NUBPL: variants seen among roughly 807,000 people sequenced by gnomAD.
NUBPL encodes the protein NUBP iron-sulfur cluster assembly factor, mitochondrial, also known as iron-sulfur cluster transfer protein NUBPL.
Under a neutral mutation model 45.7 loss-of-function variants are expected in NUBPL, and 31 were observed. The observed-to-expected ratio is 0.68, with a 90% CI of 0.51 to 0.92. NUBPL has a LOEUF of 0.92. NUBPL is among the 40% of genes least tolerant of loss of function. NUBPL has a pLI of 0.00. For synonymous variants in NUBPL, 144 were observed against 140.9 expected (o/e 1.02, Z -0.15); for missense variants, 401 against 398.7 (o/e 1.01, Z -0.05).
chr14:31,853,784 G>A (rs1176880741), intron 10 of NUBPL, among the ~76,000 whole-genome samples: 1 of 152,118 alleles, frequency 6.6e-6, no homozygotes, highest in African/African-American at 2.4e-5. Flanking sequence ...AATGTGACTA[G>A]TGTAAAGCAG....
At chr14:31,766,153 A>T (rs949767993) in intron 6 of NUBPL, among the ~76,000 whole-genome samples, 2 of 152,238 alleles carry the variant, frequency 1.3e-5, no homozygotes, top group African/African-American at 4.8e-5. Flanking sequence ...TTAGAGGAAG[A>T]TTAAAAATGG....
At chr14:31,759,032 C>G (rs2038737920) in intron 6 of NUBPL, among the ~76,000 whole-genome samples, 1 of 151,864 alleles carries the variant, frequency 6.6e-6, no homozygotes, top group African/African-American at 2.4e-5. Flanking sequence ...AGTCTTAGAA[C>G]ATACCCTTTC....
At chr14:31,710,680 G>A (rs941176175) in intron 6 of NUBPL, among the ~76,000 whole-genome samples, 4 of 152,180 alleles carry the variant, frequency 2.6e-5, no homozygotes, top group African/African-American at 9.7e-5. Context: ...AGAATGAAGT[G>A]GAGGGCCATA....
At chr14:31,786,685 TA>T (rs1218394517) in intron 6 of NUBPL, among the ~76,000 whole-genome samples, 1 of 152,188 alleles carries the variant, frequency 6.6e-6, no homozygotes, top group Non-Finnish European at 1.5e-5. Context: ...AACAGGTGAT[TA>T]GGGGAAGTAT....
chr14:31,744,688 CT>C (rs1204400218), intron 6 of NUBPL, among the ~76,000 whole-genome samples: 8 of 140,828 alleles, frequency 5.7e-5, no homozygotes, highest in African/African-American at 8.0e-5. Flanking sequence ...GTGGCACAAT[CT>C]CGGCTCACTG....
intron 10 of NUBPL, among the ~76,000 whole-genome samples, chr14:31,856,596 T>A (rs1034069947): frequency 6.6e-6 from 1 of 152,212 alleles, no homozygotes; most frequent in African/African-American, 2.4e-5. Flanking sequence ...AGCAAGTTAG[T>A]TACTTCCTAG....
At position 31,756,873 on chromosome 14, in the gene NUBPL, C is replaced by T. The variant is rs994537308; in HGVS notation, c.514-30907C>T. Among the ~76,000 whole-genome samples the T allele has an allele frequency of 1.2e-4, 18 of 148,840 alleles. No individual in the cohort carries two copies. In the East Asian group the frequency reaches 2.2e-3, roughly 18 times the overall value. ...AGCTCTTATTATTTTGAGATACGTC[C>T]CATCAATACCTAATTTATTGAGAGT... On this transcript the variant is annotated intron_variant, in intron 6 of 10. Coordinates refer to ENST00000281081, the MANE Select transcript of NUBPL (RefSeq NM_025152.3).
At chr14:31,613,715 C>A (rs1169448256) in intron 4 of NUBPL, among the ~76,000 whole-genome samples, 2 of 152,186 alleles carry the variant, frequency 1.3e-5, no homozygotes, top group East Asian at 3.9e-4. Flanking sequence ...CTCAGCCTCC[C>A]AAAGTGCTGG....
intron 4 of NUBPL, chr14:31,653,932 G>T (rs2036076955): frequency 7.0e-6 from 2 of 287,628 alleles, no homozygotes; most frequent in Admixed American, 7.0e-5. Flanking sequence ...TCTGTTCAGG[G>T]TCCCTGACTT....
chr14:31,849,932 C>T lies in NUBPL; in HGVS notation c.815-187C>T, dbSNP rs558272440. The T allele has an allele frequency of 6.4e-6, 4 of 626,530 alleles. No individual in the cohort carries two copies. In the South Asian group the frequency reaches 7.7e-5, roughly 12 times the overall value. 38.8% of individuals were successfully genotyped at this position (626,530 alleles called of 1,614,324 possible). ...ATAAACATACAATCACTGTACTACT[C>T]TAAAATAGAGTATCTTGTTTGTAAT... On this transcript the variant is annotated intron_variant, in intron 9 of 10. Coordinates refer to ENST00000281081, the MANE Select transcript of NUBPL (RefSeq NM_025152.3).
chr14:31,706,663 G>A (rs1053977013), intron 6 of NUBPL, among the ~76,000 whole-genome samples: 2 of 152,204 alleles, frequency 1.3e-5, no homozygotes, highest in Admixed American at 6.5e-5. Context: ...GCAGCGAGGA[G>A]GTCTAGGCCT....
At chr14:31,586,822 A>G (rs930920404) in intron 3 of NUBPL, among the ~76,000 whole-genome samples, 1 of 152,168 alleles carries the variant, frequency 6.6e-6, no homozygotes, top group African/African-American at 2.4e-5. Context: ...CTCTAGTTGT[A>G]AAAAAGCAAA....
chr14:31,694,379 A>G (rs2037167458), intron 6 of NUBPL, among the ~76,000 whole-genome samples: 1 of 152,162 alleles, frequency 6.6e-6, no homozygotes, highest in Non-Finnish European at 1.5e-5. Context: ...GCTTAGTTTG[A>G]TTAATCTAAC....
chr14:31,620,454 T>C (rs2035028638), intron 4 of NUBPL, among the ~76,000 whole-genome samples: 1 of 152,208 alleles, frequency 6.6e-6, no homozygotes, highest in African/African-American at 2.4e-5. Context: ...GTCCTTTGCA[T>C]GGGTTCTCTG....
intron 7 of NUBPL, among the ~76,000 whole-genome samples, chr14:31,797,647 T>G (rs1195639097): frequency 6.1e-5 from 7 of 115,438 alleles, no homozygotes; most frequent in Admixed American, 5.5e-4. Flanking sequence ...TGAGATGGGT[T>G]TCCTGAATAC....
In NUBPL at chr14:31,659,203, T is replaced by C. The variant is rs116294152; in HGVS notation, c.383-14152T>C. 2.0e-3 allele frequency among the ~76,000 whole-genome samples: 307 copies of C among 152,354 alleles called. 1 individual carries two copies. The highest frequency in any genetic ancestry group is 6.8e-3 in the African/African-American group (283 of 41,592). ...TAAAATAAATGTAGTGCTTTGTGAC[T>C]ATGTGATGTAACTGCTACTACTGGT... is the stretch of plus-strand genomic sequence containing the variant. On this transcript the variant is annotated intron_variant, in intron 4 of 10. Transcript: ENST00000281081.
chr14:31,639,456 G>C (rs1312743387), intron 4 of NUBPL, among the ~76,000 whole-genome samples: 1 of 152,160 alleles, frequency 6.6e-6, no homozygotes, highest in Non-Finnish European at 1.5e-5. Flanking sequence ...TGTGTCAGAG[G>C]AGTACCCGGC....
intron 6 of NUBPL, among the ~76,000 whole-genome samples, chr14:31,778,871 G>T (rs1982012): frequency 1 from 151,938 of 152,336 alleles, 75,772 homozygotes; most frequent in Middle Eastern, 1. Flanking sequence ...ATGAACAACC[G>T]TGAAGGCATA....
intron 8 of NUBPL, among the ~76,000 whole-genome samples, chr14:31,830,660 T>C (rs190277203): frequency 7.2e-5 from 11 of 152,356 alleles, no homozygotes; most frequent in African/African-American, 2.6e-4. Context: ...CCACTGCAGG[T>C]TTACCTGTCA....
Sources: gnomAD v4.1 joint callset for allele counts (sites outside exome capture counted in the v4.1 genomes callset) on GRCh38, gnomAD v4.1.1 for gene constraint, MANE v1.5 for transcripts, NCBI Gene and HGNC (gene_info 2026-07-23, HGNC 2026-07-21) for gene names.